MACF1: variants seen among roughly 807,000 people sequenced by gnomAD.
MACF1 encodes the protein microtubule-actin cross-linking factor 1.
Under a neutral mutation model 854.8 loss-of-function variants are expected in MACF1, and 193 were observed. That is an observed-to-expected ratio of 0.23 (90% confidence interval 0.20 to 0.25). The LOEUF (loss-of-function observed/expected upper bound fraction) is 0.25. Among genes scored for constraint, MACF1 ranks in the 10% least tolerant of loss-of-function variants. The pLI, the probability that MACF1 is intolerant of heterozygous loss-of-function variation, is 1.00. For missense variants in MACF1, 7,722 were observed against 8,929.1 expected, an observed-to-expected ratio of 0.86 and a Z score of 5.45; for synonymous variants, 3,185 against 3,226.7, an observed-to-expected ratio of 0.99 and a Z score of 0.44.
At chr1:39,297,532 T>C in intron 20 of MACF1, 88 bp from the exon 21 acceptor site, 3 of 1,517,104 alleles carry the variant, frequency 2.0e-6, no homozygotes, top group Non-Finnish European at 2.7e-6. Context: ...TTTGCTAAGC[T>C]CTGCACAGTA....
At chr1:39,144,949 C>T (rs937409746) in intron 2 of MACF1, among the ~76,000 whole-genome samples, 1 of 152,166 alleles carries the variant, frequency 6.6e-6, no homozygotes, top group Admixed American at 6.6e-5. Context: ...CTGCTGTTTC[C>T]CAGTCTGTCA....
intron 2 of MACF1, among the ~76,000 whole-genome samples, chr1:39,167,705 T>C (rs1643896070): frequency 6.7e-6 from 1 of 149,816 alleles, no homozygotes; most frequent in African/African-American, 2.5e-5. Flanking sequence ...AAACTCTGTC[T>C]CAAAAAAGAA....
At chr1:39,093,897 G>C (rs1443554161) in intron 2 of MACF1, among the ~76,000 whole-genome samples, 1 of 152,040 alleles carries the variant, frequency 6.6e-6, no homozygotes, top group East Asian at 1.9e-4. Context: ...TCCTGTCTCA[G>C]CCTCCTGAGT....
intron 58 of MACF1, among the ~76,000 whole-genome samples, chr1:39,395,085 A>G (rs1482009282): frequency 6.6e-6 from 1 of 152,154 alleles, no homozygotes; most frequent in Non-Finnish European, 1.5e-5. Flanking sequence ...GTGGGGAGGA[A>G]AGGGGCAGCC....
At chr1:39,119,684 C>T (rs1328729483) in intron 2 of MACF1, among the ~76,000 whole-genome samples, 1 of 152,054 alleles carries the variant, frequency 6.6e-6, no homozygotes, top group African/African-American at 2.4e-5. Context: ...TGTTGTCCCC[C>T]TCCCTGCTCC....
intron 6 of MACF1, chr1:39,260,417 T>G (rs1046105689): frequency 6.6e-6 from 1 of 151,084 alleles, no homozygotes; most frequent in Non-Finnish European, 1.5e-5. Context: ...CAGGCTGGAG[T>G]GCAATGGCAC....
In MACF1 at chr1:39,335,269, T is replaced by A; in HGVS notation, c.8681T>A (p.Leu2894His). Residue 2894 changes from leucine to histidine, a missense_variant, in exon 37 of 101, where the codon CTT (leucine) becomes CAT (histidine). Coordinates refer to ENST00000564288, the MANE Select transcript of MACF1 (RefSeq NM_001394062.1). ...THPYSECDFK[L>H]KEVARNNMGN... Reference sequence around the variant, plus strand: ...CCTTACTCTGAATGTGATTTTAAACTTAAAGAAGTGGCTAGAAATAACATG... The same window carrying A: ...CCTTACTCTGAATGTGATTTTAAACATAAAGAAGTGGCTAGAAATAACATG... The A allele has an allele frequency of 6.2e-7, 1 of 1,614,020 alleles. No individual in the cohort carries two copies. Among genetic ancestry groups the A allele is most frequent in the South Asian group, 1.1e-5 (1 of 91,068 alleles).
intron 58 of MACF1, chr1:39,411,144 C>G (rs1220403700): frequency 6.2e-7 from 1 of 1,613,668 alleles, no homozygotes; most frequent in African/African-American, 1.3e-5. Context: ...TCTCCCCTTG[C>G]CTGAGTGAAG....
intron 2 of MACF1, among the ~76,000 whole-genome samples, chr1:39,242,894 G>C (rs1212345124): frequency 2.0e-5 from 3 of 152,072 alleles, no homozygotes; most frequent in Admixed American, 6.5e-5. Context: ...CGCAACCCCT[G>C]TCTCTATGAA....
chr1:39,089,760 C>A (rs566400669), intron 2 of MACF1, among the ~76,000 whole-genome samples: 2 of 152,162 alleles, frequency 1.3e-5, no homozygotes, highest in Non-Finnish European at 2.9e-5. Context: ...CCAGGCACTG[C>A]GGAGATAACT....
intron 58 of MACF1, among the ~76,000 whole-genome samples, chr1:39,419,343 T>G (rs1163181498): frequency 6.6e-6 from 1 of 152,236 alleles, no homozygotes; most frequent in Non-Finnish European, 1.5e-5. Flanking sequence ...TCCAAAAGTT[T>G]AAAGTTGCAG....
intron 38 of MACF1, among the ~76,000 whole-genome samples, chr1:39,337,777 G>GT (rs1270757750): frequency 2.6e-4 from 36 of 136,782 alleles, no homozygotes; most frequent in East Asian, 1.1e-3. Context: ...GTGTGTGTGT[G>GT]TTTTTTTTTT....
At chr1:39,457,796 C>G (rs1330680493) in intron 89 of MACF1, 1 of 152,500 alleles carries the variant, frequency 6.6e-6, no homozygotes, top group Non-Finnish European at 1.5e-5. Context: ...ACTGTTTCTT[C>G]ATTGCTCAGT....
Position 39,302,945 on chromosome 1 carries a change from G to A in MACF1, c.2656G>A (p.Glu886Lys), listed in dbSNP as rs998497232. The change falls in exon 23 of 101, where the codon GAA becomes AAA. Residue 886 changes from glutamate to lysine, a missense_variant. Physicochemically the swap from Glu to Lys is moderately conservative, Grantham distance 56. Coordinates refer to ENST00000564288, the MANE Select transcript of MACF1 (RefSeq NM_001394062.1). ...QIEITICKND[E>K]CVLEDNSQRT... The stretch of plus-strand genomic sequence containing the variant: ...TCAGATTACTATTTGCAAAAATGAT[G>A]AATGTGTGCTAGAAGATAATTCTCA... The A allele has an allele frequency of 5.0e-6, 8 of 1,613,694 alleles. No individual in the cohort carries two copies. The highest frequency in any genetic ancestry group is 1.3e-5 in the African/African-American group (1 of 74,918).
intron 58 of MACF1, among the ~76,000 whole-genome samples, chr1:39,421,093 C>T (rs919182004): frequency 6.6e-6 from 1 of 152,100 alleles, no homozygotes. Context: ...TCTCAATCTC[C>T]TGACCTCATG....
intron 93 of MACF1, 103 bp from the exon 94 acceptor site, chr1:39,463,509 A>G: frequency 3.9e-6 from 3 of 766,706 alleles, no homozygotes; most frequent in South Asian, 3.1e-5. Context: ...AAAAAAATGT[A>G]AATAATGAAT....
intron 11 of MACF1, among the ~76,000 whole-genome samples, chr1:39,284,669 G>A (rs1645610566): frequency 6.6e-6 from 1 of 152,142 alleles, no homozygotes; most frequent in Non-Finnish European, 1.5e-5. Context: ...CAGAAATCTT[G>A]AGTTTTGTGG....
intron 98 of MACF1, among the ~76,000 whole-genome samples, 183 bp from the exon 99 acceptor site, chr1:39,480,737 G>A (rs945389509): frequency 1.3e-5 from 2 of 152,206 alleles, no homozygotes; most frequent in African/African-American, 4.8e-5. Flanking sequence ...GATGGGTTAT[G>A]TGTGAATGAT....
chr1:39,474,679 AC>A (rs1351938024), intron 97 of MACF1, among the ~76,000 whole-genome samples: 8 of 152,134 alleles, frequency 5.3e-5, no homozygotes, highest in African/African-American at 1.9e-4. Context: ...GGGCAACAGA[AC>A]AAGACTCCAT....
Sources: allele counts gnomAD v4.1 joint callset (sites outside exome capture counted in the v4.1 genomes callset), GRCh38; gene constraint gnomAD v4.1.1; transcripts MANE v1.5; gene names NCBI Gene and HGNC (gene_info 2026-07-23, HGNC 2026-07-21).